The following DNAH14 variants were observed in gnomAD, a reference collection of about 807,000 sequenced individuals.
DNAH14 encodes axonemal beta dynein heavy chain 14.
In DNAH14, 478 loss-of-function variants were observed where a neutral mutation model predicts 520.9. That is an observed-to-expected ratio of 0.92 (90% CI 0.85 to 0.99). DNAH14 has a LOEUF of 0.99. Ranked by LOEUF, DNAH14 falls within the 50% of genes least tolerant of loss-of-function variation. The probability of loss-of-function intolerance (pLI) is 0.00; values close to 1 mark genes in which losing one functional copy is unlikely to be tolerated. For missense variants in DNAH14, 4,831 were observed against 5,234.5 expected (o/e 0.92, Z 2.38); for synonymous variants, 1,581 against 1,757.2 (o/e 0.90, Z 2.51).
At chr1:225,224,472 G>A (rs1326731108) in intron 41 of DNAH14, among the ~76,000 whole-genome samples, 2 of 152,020 alleles carry the variant, frequency 1.3e-5, no homozygotes, top group East Asian at 1.9e-4. Flanking sequence ...ATCTATACAG[G>A]CCACAGATGA....
chr1:225,285,922 C>G (rs1181186063), intron 54 of DNAH14, among the ~76,000 whole-genome samples: 1 of 152,188 alleles, frequency 6.6e-6, no homozygotes, highest in African/African-American at 2.4e-5. Flanking sequence ...TACATATATA[C>G]CACATTTCCT....
At chr1:224,990,245 T>C (rs375150911) in intron 8 of DNAH14, among the ~76,000 whole-genome samples, 1 of 152,232 alleles carries the variant, frequency 6.6e-6, no homozygotes, top group East Asian at 1.9e-4. Flanking sequence ...TTAAAGTTTA[T>C]GAATACAACG....
intron 75 of DNAH14, among the ~76,000 whole-genome samples, chr1:225,363,299 T>C (rs2095514229): frequency 6.6e-6 from 1 of 152,254 alleles, no homozygotes; most frequent in African/African-American, 2.4e-5. Flanking sequence ...ATATCTTTTA[T>C]ATCAAAATAG....
chr1:225,000,121 A>C (rs1161776506), intron 8 of DNAH14, among the ~76,000 whole-genome samples: 1 of 152,014 alleles, frequency 6.6e-6, no homozygotes, highest in Admixed American at 6.6e-5. Flanking sequence ...TCTACTTTTC[A>C]TTTGTCTTAG....
At chr1:225,243,774 A>G (rs746558477) in intron 43 of DNAH14, among the ~76,000 whole-genome samples, 3 of 152,078 alleles carry the variant, frequency 2.0e-5, no homozygotes, top group Non-Finnish European at 2.9e-5. Flanking sequence ...TTCTAAATAT[A>G]CAATCATGTC....
intron 52 of DNAH14, among the ~76,000 whole-genome samples, chr1:225,275,011 G>A (rs1195278430): frequency 2.0e-5 from 3 of 152,180 alleles, no homozygotes; most frequent in African/African-American, 7.2e-5. Context: ...TATAGGTCCT[G>A]TTATTATCCT....
intron 33 of DNAH14, 98 bp downstream of exon 33, chr1:225,152,981 T>C (rs1309688350): frequency 8.4e-7 from 1 of 1,194,428 alleles, no homozygotes; most frequent in Admixed American, 3.0e-5. Context: ...CCTGGGACTG[T>C]ACCAAATAAT....
At chr1:224,944,897 C>T (rs1425194797) in intron 1 of DNAH14, among the ~76,000 whole-genome samples, 1 of 152,168 alleles carries the variant, frequency 6.6e-6, no homozygotes, top group Admixed American at 6.5e-5. Flanking sequence ...TGTGGGTAAC[C>T]CTACCTTTCT....
intron 1 of DNAH14, 135 bp downstream of exon 1, chr1:224,929,970 G>A: frequency 1.9e-6 from 1 of 514,292 alleles, no homozygotes; most frequent in South Asian, 2.8e-5. Context: ...AGCTGCTGTG[G>A]GAGCGCCTCC....
chr1:225,051,536 C>T lies in DNAH14; in HGVS notation c.2165C>T (p.Thr722Ile), dbSNP rs1459913189. 3.2e-6 allele frequency: 5 copies of T among 1,550,774 alleles called. 1 individual carries two copies. The highest frequency in any genetic ancestry group is 4.4e-6 in the Non-Finnish European group (5 of 1,146,676). Residue 722 changes from threonine to isoleucine, a missense_variant, in exon 17 of 86, where the codon ACA becomes ATA. Thr to Ile is a moderately conservative substitution (Grantham distance 89). Coordinates refer to ENST00000682510, the MANE Select transcript of DNAH14 (RefSeq NM_001367479.1). ...AAGTTTATAAAGTATTGTACCATGA[C>T]AGAAAAGGCCAAAATCATGAGTATG... ...SHKFIKYCTM[T>I]EKAKIMSMKI...
At chr1:225,196,011 A>G (rs955724531) in intron 38 of DNAH14, among the ~76,000 whole-genome samples, 3 of 151,912 alleles carry the variant, frequency 2.0e-5, no homozygotes, top group African/African-American at 7.2e-5. Context: ...TTATTTATTT[A>G]TTTATTTATT....
chr1:225,276,995 AAGGAAGGGAGGG>A (rs1328744610), intron 53 of DNAH14, among the ~76,000 whole-genome samples: 5 of 59,526 alleles, frequency 8.4e-5, no homozygotes, highest in East Asian at 8.3e-4. Flanking sequence ...GGGAGGGAGG[AAGGAAGGGAGGG>A]AGGGAGGGAG....
At chr1:225,290,531 G>A (rs1311063371) in intron 55 of DNAH14, among the ~76,000 whole-genome samples, 1 of 149,956 alleles carries the variant, frequency 6.7e-6, no homozygotes, top group Non-Finnish European at 1.5e-5. Context: ...TTACTCTTCT[G>A]CTCTATTTTC....
intron 41 of DNAH14, among the ~76,000 whole-genome samples, chr1:225,213,815 G>A (rs989059747): frequency 3.9e-5 from 6 of 152,200 alleles, no homozygotes; most frequent in African/African-American, 4.8e-5. Flanking sequence ...GGGCTGAGAC[G>A]ATGGGGTTTT....
intron 23 of DNAH14, among the ~76,000 whole-genome samples, chr1:225,102,065 G>A (rs1388956600): frequency 1.9e-4 from 22 of 113,188 alleles, no homozygotes; most frequent in Non-Finnish European, 3.0e-4. Flanking sequence ...CAACAGGCCC[G>A]GTGTATGATG....
At chr1:225,043,212 T>G in intron 13 of DNAH14, 98 bp downstream of exon 13, 2 of 1,265,152 alleles carry the variant, frequency 1.6e-6, no homozygotes, top group Non-Finnish European at 2.1e-6. Context: ...GGAGGATCAC[T>G]TGATGCCAGA....
intron 37 of DNAH14, among the ~76,000 whole-genome samples, chr1:225,189,664 G>C (rs537962345): frequency 9.9e-5 from 15 of 151,920 alleles, no homozygotes; most frequent in African/African-American, 3.6e-4. Flanking sequence ...TTCAAACTGT[G>C]TATTTGAACT....
chr1:224,980,767 G>A (rs1332587521), intron 8 of DNAH14, among the ~76,000 whole-genome samples: 1 of 152,148 alleles, frequency 6.6e-6, no homozygotes, highest in African/African-American at 2.4e-5. Flanking sequence ...GTCCTTGAGT[G>A]AACATACATC....
At chr1:225,304,768 C>G (rs1348831157) in intron 57 of DNAH14, 140 bp from the exon 58 acceptor site, 1 of 788,676 alleles carries the variant, frequency 1.3e-6, no homozygotes, top group Non-Finnish European at 1.9e-6. Flanking sequence ...TTTCTTTGTC[C>G]TGCTCATCCG....
Sources: gnomAD v4.1 joint callset for allele counts (sites outside exome capture counted in the v4.1 genomes callset) on GRCh38, gnomAD v4.1.1 for gene constraint, MANE v1.5 for transcripts, NCBI Gene and HGNC (gene_info 2026-07-23, HGNC 2026-07-21) for gene names.